Variants in OPCML observed in about 807,000 individuals in gnomAD.
The protein encoded by OPCML is opioid-binding protein/cell adhesion molecule.
A neutral mutation model predicts 37.8 loss-of-function variants in OPCML; 13 were observed. That is an observed-to-expected ratio of 0.34 (90% CI 0.22 to 0.55). OPCML has a LOEUF of 0.55. OPCML is among the 20% of genes least tolerant of loss of function. The probability of loss-of-function intolerance (pLI) is 0.91; values close to 1 mark genes in which losing one functional copy is unlikely to be tolerated. For synonymous variants in OPCML, 176 were observed against 168.8 expected, an observed-to-expected ratio of 1.04 and a Z score of -0.33; for missense variants, 341 against 435.6, an observed-to-expected ratio of 0.78 and a Z score of 1.93.
intron 2 of OPCML, among the ~76,000 whole-genome samples, chr11:132,720,251 C>T (rs1356394017): frequency 1.3e-5 from 2 of 152,180 alleles, no homozygotes; most frequent in African/African-American, 4.8e-5. Flanking sequence ...ATAGTCAAAA[C>T]ATCTGATGGC....
At chr11:133,013,126 T>C (rs1446466658) in intron 1 of OPCML, among the ~76,000 whole-genome samples, 4 of 152,344 alleles carry the variant, frequency 2.6e-5, no homozygotes, top group East Asian at 1.9e-4. Flanking sequence ...GAACTCATAC[T>C]AGGACCATTT....
At chr11:133,304,159 G>A (rs989922732) in intron 1 of OPCML, among the ~76,000 whole-genome samples, 20 of 152,308 alleles carry the variant, frequency 1.3e-4, no homozygotes, top group East Asian at 3.9e-4. Flanking sequence ...GGAGGTAAGC[G>A]TCTACTGCCA....
intron 1 of OPCML, chr11:133,026,238 A>G: frequency 3.1e-6 from 2 of 636,246 alleles, no homozygotes; most frequent in Non-Finnish European, 3.9e-6. Context: ...TCAGTTACAG[A>G]GTTCCGCCTC....
chr11:133,280,064 A>G (rs968982502), intron 1 of OPCML, among the ~76,000 whole-genome samples: 3 of 152,222 alleles, frequency 2.0e-5, no homozygotes, highest in Non-Finnish European at 4.4e-5. Context: ...TGCATTGTGT[A>G]TGAGCATTGG....
chr11:132,611,804 A>C (rs1938657383), intron 3 of OPCML, among the ~76,000 whole-genome samples: 1 of 152,174 alleles, frequency 6.6e-6, no homozygotes, highest in African/African-American at 2.4e-5. Flanking sequence ...CAGTAGTAAT[A>C]ATTCAAGGCT....
At chr11:133,193,194 C>A (rs1938394329) in intron 1 of OPCML, among the ~76,000 whole-genome samples, 1 of 152,088 alleles carries the variant, frequency 6.6e-6, no homozygotes, top group African/African-American at 2.4e-5. Context: ...CCAGAAGAAT[C>A]CTGGATCTGT....
chr11:133,270,118 T>C (rs762216454), intron 1 of OPCML, among the ~76,000 whole-genome samples: 2 of 152,208 alleles, frequency 1.3e-5, no homozygotes, highest in African/African-American at 2.4e-5. Flanking sequence ...CAAGAACTGA[T>C]TACTTGCTAC....
In OPCML at chr11:133,348,113, G is replaced by C. The variant is rs557157111; in HGVS notation, c.61+184151C>G. On this transcript the variant is annotated intron_variant, in intron 1 of 7. Transcript: ENST00000524381. ...AGAGAAAGGGCTCAGGGCAGGAAAA[G>C]CAATAGAATTTGTCTTCTTTGATTA... 9.2e-5 allele frequency among the ~76,000 whole-genome samples: 14 copies of C among 152,266 alleles called. 1 individual carries two copies. In the South Asian group the frequency reaches 2.9e-3, roughly 32 times the overall value.
intron 1 of OPCML, among the ~76,000 whole-genome samples, chr11:133,055,783 C>T (rs982635039): frequency 2.0e-5 from 3 of 151,366 alleles, no homozygotes; most frequent in Non-Finnish European, 1.5e-5. Flanking sequence ...GGAGCCACCT[C>T]TACTGTACAA....
At chr11:132,455,649 C>T (rs2096080193) in intron 4 of OPCML, among the ~76,000 whole-genome samples, 1 of 152,292 alleles carries the variant, frequency 6.6e-6, no homozygotes, top group East Asian at 1.9e-4. Flanking sequence ...ATTATATGTT[C>T]ACTGTACATT....
At chr11:132,792,525 G>T (rs1479437583) in intron 2 of OPCML, among the ~76,000 whole-genome samples, 5 of 152,196 alleles carry the variant, frequency 3.3e-5, no homozygotes, top group Non-Finnish European at 7.3e-5. Flanking sequence ...ATGAAAAAGG[G>T]TGTGGCCATT....
intron 1 of OPCML, among the ~76,000 whole-genome samples, chr11:133,175,388 T>C (rs988171142): frequency 1.3e-5 from 2 of 151,948 alleles, no homozygotes; most frequent in Admixed American, 1.3e-4. Context: ...GCCTGACAAG[T>C]CATCTCCTCT....
At chr11:133,459,086 T>C (rs532126592) in intron 1 of OPCML, among the ~76,000 whole-genome samples, 4 of 152,138 alleles carry the variant, frequency 2.6e-5, no homozygotes, top group Admixed American at 2.6e-4. Flanking sequence ...CATAAAGTGT[T>C]TGGGGAGGAG....
chr11:132,474,980 T>G (rs189348672), intron 4 of OPCML, among the ~76,000 whole-genome samples: 16 of 152,300 alleles, frequency 1.1e-4, no homozygotes, highest in Admixed American at 9.8e-4. Flanking sequence ...TTCTCTCCAT[T>G]ACCATTACTG....
intron 6 of OPCML, 48 bp downstream of exon 6, chr11:132,436,611 G>A (rs771153162): frequency 2.5e-6 from 4 of 1,604,898 alleles, no homozygotes; most frequent in Middle Eastern, 1.7e-4. Context: ...TGTGGGGATA[G>A]ACCATCAGCT....
At chr11:132,462,806 G>A (rs1030857254) in intron 4 of OPCML, among the ~76,000 whole-genome samples, 1 of 152,144 alleles carries the variant, frequency 6.6e-6, no homozygotes, top group South Asian at 2.1e-4. Flanking sequence ...AACCGTGCCT[G>A]GATAATTAGG....
intron 1 of OPCML, among the ~76,000 whole-genome samples, chr11:133,178,803 T>C (rs1047515870): frequency 1.5e-4 from 23 of 152,194 alleles, no homozygotes; most frequent in African/African-American, 5.6e-4. Flanking sequence ...ATAAACATAA[T>C]TGAGTTGATT....
chr11:133,371,989 A>C (rs568729399), intron 1 of OPCML, among the ~76,000 whole-genome samples: 8 of 152,224 alleles, frequency 5.3e-5, no homozygotes, highest in African/African-American at 1.9e-4. Context: ...ATGGAGACAG[A>C]GAGTGGAATG....
intron 3 of OPCML, among the ~76,000 whole-genome samples, chr11:132,593,559 G>A (rs2096487991): frequency 6.6e-6 from 1 of 152,130 alleles, no homozygotes; most frequent in African/African-American, 2.4e-5. Flanking sequence ...TAGAAGCTGG[G>A]CAGAAAAAGT....
Sources: allele counts gnomAD v4.1 joint callset (sites outside exome capture counted in the v4.1 genomes callset), GRCh38; gene constraint gnomAD v4.1.1; transcripts MANE v1.5; gene names NCBI Gene and HGNC (gene_info 2026-07-23, HGNC 2026-07-21).